Variants in PRKN observed in about 807,000 individuals in gnomAD.
PRKN encodes E3 ubiquitin-protein ligase parkin.
PRKN carries 56 observed loss-of-function variants against 59.5 expected under a neutral mutation model. The ratio of observed to expected loss-of-function variants is 0.94; its 90% confidence interval spans 0.76 to 1.18. The LOEUF (loss-of-function observed/expected upper bound fraction) is 1.18, where lower values mean the gene tolerates loss of function less well. PRKN is among the 50% of genes most tolerant of loss of function. The pLI is 0.00. For missense variants in PRKN, 657 were observed against 596.4 expected (o/e 1.10, Z -1.06); for synonymous variants, 250 against 222.1 (o/e 1.13, Z -1.12).
At chr6:161,705,445 T>A (rs994789050) in intron 7 of PRKN, among the ~76,000 whole-genome samples, 2 of 152,242 alleles carry the variant, frequency 1.3e-5, no homozygotes, top group Non-Finnish European at 2.9e-5. Flanking sequence ...TTTCAACCAT[T>A]GTGTATCACT....
intron 2 of PRKN, among the ~76,000 whole-genome samples, chr6:162,410,700 C>T (rs992832755): frequency 2.0e-5 from 3 of 152,208 alleles, no homozygotes; most frequent in Admixed American, 6.5e-5. Flanking sequence ...TGTGATTCCA[C>T]TTCAAAACAC....
chr6:161,546,576 T>C lies in PRKN; in HGVS notation c.1083+2278A>G, dbSNP rs573359463. ...AAGGCATACAGTTCAGTGCATCCTT[T>C]AGAAAATCACTTCTCTGTTCTTTTT... On this transcript the variant is annotated intron_variant, in intron 9 of 11. Coordinates refer to ENST00000366898, the MANE Select transcript of PRKN (RefSeq NM_004562.3). The surrounding 1 kb of genome is among the most constrained non-coding windows in gnomAD (Gnocchi z 4.4). 1.1e-4 allele frequency among the ~76,000 whole-genome samples: 17 copies of C among 152,302 alleles called. No individual in the cohort carries two copies. The East Asian group carries it at 2.1e-3, about 19-fold the overall frequency.
chr6:161,928,100 GCCT>G (rs1779033548), intron 6 of PRKN, among the ~76,000 whole-genome samples: 1 of 152,180 alleles, frequency 6.6e-6, no homozygotes, highest in Non-Finnish European at 1.5e-5. Context: ...TATGAAAGTT[GCCT>G]TCTGCTATGT....
At position 161,353,826 on chromosome 6, in the gene PRKN, C is replaced by T. The variant is rs1317525973; in HGVS notation, c.1286-3615G>A. ...AGCCCCCAGCCTGAGGGATCAGACA[C>T]TATTTCCTGGTAGACAGCGCCAGGG... On this transcript the variant is annotated intron_variant, in intron 11 of 11. Transcript: ENST00000366898. This position sits in a 1 kb window ranked among gnomAD's most constrained non-coding sequence, Gnocchi z 4.8. Among the ~76,000 whole-genome samples the T allele has an allele frequency of 6.6e-6, 1 of 152,150 alleles. No individual in the cohort carries two copies. The highest frequency in any genetic ancestry group is 1.5e-5 in the Non-Finnish European group (1 of 68,038).
At chr6:161,375,876 T>A (rs1349750516) in intron 10 of PRKN, among the ~76,000 whole-genome samples, 1 of 152,160 alleles carries the variant, frequency 6.6e-6, no homozygotes, top group African/African-American at 2.4e-5. Context: ...CATCTGCACA[T>A]CCACTTAGGC....
Position 161,360,168 on chromosome 6 carries a change from C to A in PRKN, c.1205G>T (p.Arg402Leu), listed in dbSNP as rs766915327. ...GGTTTCTTTGGAGGCTGCTTCCCAA[C>A]GAGCCTGCTCGGCGGCTCTTTCATC... The part of the protein sequence containing the change: ...RVDERAAEQA[R>L]WEAASKETIK... Residue 402 changes from arginine (R) to leucine (L), a missense_variant, in exon 11 of 12, where the codon CGT becomes CTT. Physicochemically the swap from Arg to Leu is moderately radical, Grantham distance 102. Coordinates refer to ENST00000366898, the MANE Select transcript of PRKN (RefSeq NM_004562.3). The surrounding 1 kb of genome is among the most constrained non-coding windows in gnomAD (Gnocchi z 5.1). 5.0e-6 allele frequency: 8 copies of A among 1,614,046 alleles called. 1 individual carries two copies. In the Admixed American group the frequency reaches 1.2e-4, roughly 24 times the overall value.
chr6:162,532,221 A>T (rs1047367490), intron 1 of PRKN, among the ~76,000 whole-genome samples: 34 of 83,610 alleles, frequency 4.1e-4, no homozygotes, highest in Non-Finnish European at 9.3e-4. Context: ...GCTTTTATGG[A>T]CTATAAAACT....
At chr6:161,531,428 G>T (rs1045744051) in intron 9 of PRKN, among the ~76,000 whole-genome samples, 2 of 151,208 alleles carry the variant, frequency 1.3e-5, no homozygotes, top group Non-Finnish European at 2.9e-5. Flanking sequence ...CCCTACCCTC[G>T]CCCAGCAACA....
intron 1 of PRKN, among the ~76,000 whole-genome samples, chr6:162,491,105 GAA>G (rs397712852): frequency 1.4e-5 from 2 of 138,250 alleles, no homozygotes; most frequent in Non-Finnish European, 1.6e-5. Context: ...CTCTGTCTCA[GAA>G]AAAAAAAAAA....
chr6:162,658,658 C>CAAAA (rs57853171), intron 1 of PRKN, among the ~76,000 whole-genome samples: 5 of 109,076 alleles, frequency 4.6e-5, no homozygotes, highest in African/African-American at 6.8e-5. Context: ...GAGACTCTGT[C>CAAAA]AAAAAAAAAA....
rs190097400 is a variant in PRKN at position 162,010,161 on chromosome 6, C to T, written c.619-36744G>A. Among the ~76,000 whole-genome samples, 650 of 145,464 alleles carry T rather than the reference C, an allele frequency of 4.5e-3. 20 individuals carry two copies. Among genetic ancestry groups the T allele is most frequent in the African/African-American group, 0.016 (604 of 38,836 alleles). On this transcript the variant is annotated intron_variant, in intron 5 of 11. Transcript: ENST00000366898. Reference sequence around the variant, plus strand: ...TCTGGCTCGTGTTAGCACAGGGAGACCCCTCGCAGAATCAATCAATTTGCT... The same window carrying T: ...TCTGGCTCGTGTTAGCACAGGGAGATCCCTCGCAGAATCAATCAATTTGCT...
intron 7 of PRKN, among the ~76,000 whole-genome samples, chr6:161,662,707 G>A (rs1233091874): frequency 6.6e-6 from 1 of 152,140 alleles, no homozygotes; most frequent in African/African-American, 2.4e-5. Flanking sequence ...ATGAATGTGG[G>A]TTCCTAACCT....
At chr6:162,046,798 G>C (rs548368599) in intron 5 of PRKN, among the ~76,000 whole-genome samples, 1 of 151,670 alleles carries the variant, frequency 6.6e-6, no homozygotes, top group African/African-American at 2.4e-5. Context: ...TTTTTTCCAT[G>C]GGAAACTAAT....
At chr6:161,794,306 C>T (rs188973896) in intron 6 of PRKN, among the ~76,000 whole-genome samples, 2 of 152,182 alleles carry the variant, frequency 1.3e-5, no homozygotes, top group Admixed American at 6.5e-5. Context: ...ATAATTGAGT[C>T]AAGATTTAGG....
At chr6:161,478,152 T>C (rs937561944) in intron 9 of PRKN, among the ~76,000 whole-genome samples, 1 of 152,230 alleles carries the variant, frequency 6.6e-6, no homozygotes, top group African/African-American at 2.4e-5. Flanking sequence ...ATATGATTTA[T>C]TGTTCATCTG....
At chr6:162,256,752 C>A (rs769951719) in intron 3 of PRKN, among the ~76,000 whole-genome samples, 2 of 152,134 alleles carry the variant, frequency 1.3e-5, no homozygotes, top group African/African-American at 2.4e-5. Context: ...AGAGGCCTGT[C>A]GTTAGAAGAG....
At chr6:162,421,426 G>T (rs1363757571) in intron 2 of PRKN, among the ~76,000 whole-genome samples, 1 of 152,126 alleles carries the variant, frequency 6.6e-6, no homozygotes, top group Non-Finnish European at 1.5e-5. Flanking sequence ...GACCCAGGGT[G>T]GTTCCTTGTG....
rs139674315 is a variant in PRKN at position 161,355,468 on chromosome 6, C to T, written c.1285+4620G>A. ...CCAGGCCGAAGTGCAATGGTGCAAT[C>T]TTGGCTCACTGCAACCTCCACCTCC... On this transcript the variant is annotated intron_variant, in intron 11 of 11. Coordinates refer to ENST00000366898, the MANE Select transcript of PRKN (RefSeq NM_004562.3). The surrounding 1 kb of genome is among the most constrained non-coding windows in gnomAD (Gnocchi z 6.8). 2.7e-3 allele frequency among the ~76,000 whole-genome samples: 414 copies of T among 152,332 alleles called. 4 individuals are homozygous for T. The highest frequency in any genetic ancestry group is 9.8e-3 in the African/African-American group (406 of 41,578).
intron 7 of PRKN, among the ~76,000 whole-genome samples, chr6:161,609,941 G>A (rs1199342211): frequency 6.6e-6 from 1 of 152,158 alleles, no homozygotes; most frequent in Non-Finnish European, 1.5e-5. Flanking sequence ...CTATGAGACT[G>A]TTCCCCATAG....
Sources: allele counts gnomAD v4.1 joint callset (sites outside exome capture counted in the v4.1 genomes callset), GRCh38; gene constraint gnomAD v4.1.1; non-coding constraint Gnocchi (gnomAD v3.1); transcripts MANE v1.5; gene names NCBI Gene and HGNC (gene_info 2026-07-23, HGNC 2026-07-21).